Variants in TAOK3 observed in about 807,000 individuals in gnomAD.
TAOK3 encodes the protein serine/threonine-protein kinase TAO3.
In TAOK3, 40 loss-of-function variants were observed where a neutral mutation model predicts 120.4. That is an observed-to-expected ratio of 0.33 (90% confidence interval 0.26 to 0.43). The LOEUF is 0.43. TAOK3 is among the 20% of genes least tolerant of loss of function. The probability of loss-of-function intolerance (pLI) is 1.00; values close to 1 mark genes in which losing one functional copy is unlikely to be tolerated. For synonymous variants in TAOK3, 355 were observed against 387.5 expected (o/e 0.92, Z 0.99); for missense variants, 821 against 1,112.1 (o/e 0.74, Z 3.72).
At chr12:118,363,617 A>T (rs1212610619) in intron 1 of TAOK3, among the ~76,000 whole-genome samples, 2 of 152,182 alleles carry the variant, frequency 1.3e-5, no homozygotes, top group Non-Finnish European at 2.9e-5. Flanking sequence ...AGAGGTAGTT[A>T]TGGAAAATGA....
At chr12:118,158,281 C>T (rs1426714929) in intron 19 of TAOK3, among the ~76,000 whole-genome samples, 2 of 152,140 alleles carry the variant, frequency 1.3e-5, no homozygotes, top group Non-Finnish European at 2.9e-5. Flanking sequence ...GAATACCTCC[C>T]GTCCCCAGCA....
intron 1 of TAOK3, among the ~76,000 whole-genome samples, chr12:118,316,691 A>G (rs1213369894): frequency 6.6e-6 from 1 of 152,132 alleles, no homozygotes; most frequent in Non-Finnish European, 1.5e-5. Context: ...CCAGGATTAC[A>G]GGCATGAGCC....
intron 1 of TAOK3, among the ~76,000 whole-genome samples, chr12:118,364,327 G>T (rs931108718): frequency 4.6e-5 from 7 of 152,082 alleles, no homozygotes; most frequent in Non-Finnish European, 1.0e-4. Flanking sequence ...TGTCATGGCT[G>T]TCCTTCCCTT....
intron 9 of TAOK3, among the ~76,000 whole-genome samples, chr12:118,216,178 C>G (rs1443756084): frequency 2.0e-5 from 3 of 152,266 alleles, no homozygotes; most frequent in African/African-American, 7.2e-5. Context: ...GCCTGGGCAA[C>G]AGAGTGAGAC....
intron 13 of TAOK3, among the ~76,000 whole-genome samples, chr12:118,191,622 G>T (rs2037434969): frequency 6.6e-6 from 1 of 152,274 alleles, no homozygotes; most frequent in Non-Finnish European, 1.5e-5. Context: ...TGAAAGGTCA[G>T]TTAAAATTAT....
intron 14 of TAOK3, among the ~76,000 whole-genome samples, chr12:118,184,643 A>G (rs1442176033): frequency 6.6e-6 from 1 of 152,208 alleles, no homozygotes; most frequent in African/African-American, 2.4e-5. Flanking sequence ...AGTCAAAGCT[A>G]GAGAGGGTGG....
intron 1 of TAOK3, among the ~76,000 whole-genome samples, chr12:118,369,949 AC>A (rs1185991303): frequency 6.6e-6 from 1 of 151,978 alleles, no homozygotes; most frequent in Non-Finnish European, 1.5e-5. Context: ...ATCTTGGCTC[AC>A]TGCAACCTCT....
intron 16 of TAOK3, among the ~76,000 whole-genome samples, chr12:118,176,012 G>GTC (rs1452448444): frequency 6.6e-6 from 1 of 152,228 alleles, no homozygotes; most frequent in Non-Finnish European, 1.5e-5. Flanking sequence ...AGTTAGTAGA[G>GTC]TAAGTAGCTC....
intron 1 of TAOK3, among the ~76,000 whole-genome samples, chr12:118,335,184 CAAA>C (rs199691925): frequency 2.2e-5 from 2 of 92,578 alleles, no homozygotes. Context: ...AACTATGTCT[CAAA>C]AAAAAAAAAA....
chr12:118,270,784 C>T (rs1322634977), intron 1 of TAOK3, among the ~76,000 whole-genome samples: 1 of 151,478 alleles, frequency 6.6e-6, no homozygotes, highest in African/African-American at 2.4e-5. Context: ...ACGCCATTCT[C>T]CTGTCTCAGC....
intron 1 of TAOK3, among the ~76,000 whole-genome samples, chr12:118,275,959 A>G (rs186654712): frequency 6.6e-6 from 1 of 151,724 alleles, no homozygotes; most frequent in East Asian, 1.9e-4. Context: ...TGTACTCCAG[A>G]AAACGCCAGA....
chr12:118,174,593 C>A, intron 16 of TAOK3, among the ~76,000 whole-genome samples: 1 of 152,062 alleles, frequency 6.6e-6, no homozygotes, highest in East Asian at 1.9e-4. Flanking sequence ...TGGCCATAGT[C>A]ATAAAGTATG....
At chr12:118,289,562 TG>T (rs2042396862) in intron 1 of TAOK3, among the ~76,000 whole-genome samples, 1 of 152,224 alleles carries the variant, frequency 6.6e-6, no homozygotes, top group African/African-American at 2.4e-5. Flanking sequence ...TAAATTTATT[TG>T]ATCTTTCAAC....
At chr12:118,276,047 G>C (rs1359884082) in intron 1 of TAOK3, among the ~76,000 whole-genome samples, 1 of 152,160 alleles carries the variant, frequency 6.6e-6, no homozygotes, top group Non-Finnish European at 1.5e-5. Flanking sequence ...ATGTGATGGA[G>C]ATTTTGGATT....
At chr12:118,339,981 C>T (rs2044547256) in intron 1 of TAOK3, among the ~76,000 whole-genome samples, 2 of 152,086 alleles carry the variant, frequency 1.3e-5, no homozygotes, top group South Asian at 4.1e-4. Flanking sequence ...AATATCTTAA[C>T]CACCAAAAAA....
At chr12:118,350,818 C>A (rs1277675787) in intron 1 of TAOK3, among the ~76,000 whole-genome samples, 2 of 146,726 alleles carry the variant, frequency 1.4e-5, no homozygotes, top group African/African-American at 5.1e-5. Flanking sequence ...TGAGGTCGTG[C>A]CATTGTACTC....
rs556836225 is a variant in TAOK3, at chr12:118,280,155, G to A, written c.-193-13396C>T. On this transcript the variant is annotated intron_variant, in intron 1 of 20. Coordinates refer to ENST00000392533, the MANE Select transcript of TAOK3 (RefSeq NM_016281.4). ...TAGCTCACTGCAACCTCCGCCTCCC[G>A]GGTTCAAGTGATTCTCCTGCCTCAG... is the stretch of plus-strand genomic sequence containing the variant. 7.9e-4 allele frequency among the ~76,000 whole-genome samples: 119 copies of A among 151,308 alleles called. 1 individual carries two copies. The highest frequency in any genetic ancestry group is 2.6e-3 in the African/African-American group (107 of 41,170).
chr12:118,170,640 G>A (rs907015849), intron 17 of TAOK3, among the ~76,000 whole-genome samples: 13 of 152,238 alleles, frequency 8.5e-5, no homozygotes, highest in African/African-American at 2.9e-4. Context: ...GTGTGTGCCC[G>A]TAATCCCAGC....
chr12:118,156,928 C>A (rs890450873), intron 19 of TAOK3, among the ~76,000 whole-genome samples: 7 of 151,968 alleles, frequency 4.6e-5, no homozygotes, highest in African/African-American at 1.7e-4. Context: ...TTAGTAGAGA[C>A]AGGGTTTTAC....
Sources: allele counts gnomAD v4.1 joint callset (sites outside exome capture counted in the v4.1 genomes callset), GRCh38; gene constraint gnomAD v4.1.1; transcripts MANE v1.5; gene names NCBI Gene and HGNC (gene_info 2026-07-23, HGNC 2026-07-21).